The following ITPR2 variants were observed in gnomAD, a reference collection of about 807,000 sequenced individuals.
ITPR2 encodes the protein inositol 1,4,5-trisphosphate-gated calcium channel ITPR2.
In ITPR2, 207 loss-of-function variants were observed where a neutral mutation model predicts 317.1. The observed-to-expected ratio is 0.65, with a 90% CI of 0.58 to 0.73. ITPR2 has a LOEUF of 0.73. ITPR2 is among the 30% of genes least tolerant of loss of function. ITPR2 has a pLI of 0.00. For missense variants in ITPR2, 2,613 were observed against 3,284.0 expected, an observed-to-expected ratio of 0.80 and a Z score of 4.99; for synonymous variants, 1,156 against 1,149.1, an observed-to-expected ratio of 1.01 and a Z score of -0.12.
chr12:26,496,232 G>A (rs982973328), intron 37 of ITPR2, among the ~76,000 whole-genome samples: 1 of 152,142 alleles, frequency 6.6e-6, no homozygotes, highest in Non-Finnish European at 1.5e-5. Context: ...TAAGTAATTG[G>A]CTGCAGATCA....
intron 34 of ITPR2, among the ~76,000 whole-genome samples, chr12:26,569,895 T>C (rs1945114175): frequency 6.6e-6 from 1 of 152,186 alleles, no homozygotes; most frequent in Non-Finnish European, 1.5e-5. Context: ...CCGTCAGAAG[T>C]GAAATAACCC....
In ITPR2 at chr12:26,605,405, G is replaced by T. The variant is rs539888200; in HGVS notation, c.3463-2699C>A. The stretch of plus-strand genomic sequence containing the variant: ...GCCATTTCATTTTTTTTCTGTAAGA[G>T]AAGAAATACTAAAACATATACACAC... On this transcript the variant is annotated intron_variant, in intron 26 of 56. Coordinates refer to ENST00000381340, the MANE Select transcript of ITPR2 (RefSeq NM_002223.4). Among the ~76,000 whole-genome samples, 117 of 152,012 alleles carry T rather than the reference G, an allele frequency of 7.7e-4. 2 individuals are homozygous for T. The South Asian group carries it at 0.023, about 29-fold the overall frequency.
chr12:26,369,425 G>C (rs1939115343), intron 55 of ITPR2, among the ~76,000 whole-genome samples: 1 of 152,200 alleles, frequency 6.6e-6, no homozygotes, highest in Admixed American at 6.5e-5. Context: ...GTTTTAGAAA[G>C]TAGTGGATTA....
rs1433400837 is a variant in ITPR2 at position 26,544,575 on chromosome 12, CACACACAG to C, written c.5073+5664_5073+5671del. The stretch of plus-strand genomic sequence containing the variant: ...TACCAGTTTCACACATAGACACACA[CACACACAG>C]ACAAACACACAGAGACACACAGACA... On this transcript the variant is annotated intron_variant, in intron 37 of 56. Transcript: ENST00000381340. Among the ~76,000 whole-genome samples the C allele has an allele frequency of 6.4e-5, 8 of 124,718 alleles. No homozygotes were observed. The South Asian group carries it at 8.1e-4, about 13-fold the overall frequency. The allele number at this position is 124,718 out of a possible 152,430, so 81.8% of individuals were successfully genotyped here. A position where few individuals can be genotyped will look rare whatever the true frequency, so the allele number is the denominator to read the frequency against.
chr12:26,632,944 C>T (rs1946786433), intron 21 of ITPR2, among the ~76,000 whole-genome samples: 1 of 152,116 alleles, frequency 6.6e-6, no homozygotes, highest in South Asian at 2.1e-4. Flanking sequence ...TCTAAGTTCC[C>T]ACAGGAAGCA....
intron 37 of ITPR2, among the ~76,000 whole-genome samples, chr12:26,533,171 T>C (rs900175407): frequency 2.6e-5 from 4 of 152,206 alleles, no homozygotes; most frequent in Non-Finnish European, 5.9e-5. Flanking sequence ...TTTTCAAATT[T>C]TCCCACTTAT....
chr12:26,387,382 A>C (rs577754890), intron 55 of ITPR2, 52 bp downstream of exon 55: 1 of 1,544,666 alleles, frequency 6.5e-7, no homozygotes, highest in South Asian at 1.2e-5. Flanking sequence ...AGAGAAGATG[A>C]AAGCCTAAAA....
chr12:26,827,267 C>T (rs1006032644), intron 1 of ITPR2, among the ~76,000 whole-genome samples: 4 of 94,792 alleles, frequency 4.2e-5, no homozygotes, highest in Admixed American at 1.0e-4. Context: ...TGCACTTACA[C>T]GGAGAAAAGA....
chr12:26,831,799 A>C lies in ITPR2; in HGVS notation c.92+891T>G, dbSNP rs12366784. Among the ~76,000 whole-genome samples, 1,323 of 116,696 alleles carry C rather than the reference A, an allele frequency of 0.011. 4 individuals carry two copies. The highest frequency in any genetic ancestry group is 0.03 in the African/African-American group (843 of 28,358). 76.6% of individuals were successfully genotyped at this position (116,696 alleles called of 152,430 possible). ...TACATAAAATATATAAATATATATTATACATAAAATATATAAATATATATT... is the reference window on the plus strand; with the variant it reads ...TACATAAAATATATAAATATATATTCTACATAAAATATATAAATATATATT... On this transcript the variant is annotated intron_variant, in intron 1 of 56. Coordinates refer to ENST00000381340, the MANE Select transcript of ITPR2 (RefSeq NM_002223.4). The surrounding 1 kb of genome is among the most constrained non-coding windows in gnomAD (Gnocchi z 4.9).
chr12:26,700,612 C>CAGAGTGGTGTG (rs1338831119), intron 9 of ITPR2, among the ~76,000 whole-genome samples: 23 of 152,286 alleles, frequency 1.5e-4, no homozygotes, highest in Non-Finnish European at 2.5e-4. Context: ...TTCCCTCCTG[C>CAGAGTGGTGTG]CTCCATAAAG....
rs143706105 is a variant in ITPR2, at chr12:26,723,886, C to T, written c.366+770G>A. ...TCTAGACCTCTGATTTGGCTCTGTG[C>T]TGCGGATCTCCTAGCCAACGATGTA... is the stretch of plus-strand genomic sequence containing the variant. On this transcript the variant is annotated intron_variant, in intron 4 of 56. Transcript: ENST00000381340. Among the ~76,000 whole-genome samples the T allele has an allele frequency of 3.9e-5, 6 of 152,258 alleles. No homozygotes were observed. In the East Asian group the frequency reaches 1.2e-3, roughly 29 times the overall value.
At chr12:26,389,161 C>T (rs910889243) in intron 54 of ITPR2, among the ~76,000 whole-genome samples, 2 of 152,108 alleles carry the variant, frequency 1.3e-5, no homozygotes, top group African/African-American at 4.8e-5. Context: ...CTCCACAGCC[C>T]ATTCTCAACA....
At chr12:26,443,497 A>G (rs532321690) in intron 46 of ITPR2, 46 bp downstream of exon 46, 173 of 1,442,524 alleles carry the variant, frequency 1.2e-4, no homozygotes, top group Non-Finnish European at 1.6e-4. Context: ...GGAAGTAAGC[A>G]TAACTTTTCA....
intron 45 of ITPR2, among the ~76,000 whole-genome samples, chr12:26,471,697 A>C (rs1417585599): frequency 6.6e-6 from 1 of 152,248 alleles, no homozygotes; most frequent in African/African-American, 2.4e-5. Context: ...GCACCAGAAT[A>C]AACTGTCTGC....
intron 55 of ITPR2, among the ~76,000 whole-genome samples, chr12:26,374,280 T>C (rs1939276748): frequency 6.6e-6 from 1 of 152,252 alleles, no homozygotes; most frequent in African/African-American, 2.4e-5. Context: ...ATACTCACTA[T>C]TTAGCTATGT....
chr12:26,695,417 C>T (rs893323962), intron 10 of ITPR2, among the ~76,000 whole-genome samples, 189 bp downstream of exon 10: 2 of 152,124 alleles, frequency 1.3e-5, no homozygotes, highest in South Asian at 2.1e-4. Context: ...AGAACTCTTC[C>T]CAAGCACCCA....
chr12:26,346,927 T>C (rs1342389169), intron 55 of ITPR2, among the ~76,000 whole-genome samples: 1 of 152,012 alleles, frequency 6.6e-6, no homozygotes, highest in African/African-American at 2.4e-5. Flanking sequence ...AAAAAACAAA[T>C]TGTTGAGAGA....
chr12:26,806,248 A>C (rs1950637579), intron 1 of ITPR2, among the ~76,000 whole-genome samples: 1 of 152,170 alleles, frequency 6.6e-6, no homozygotes, highest in Non-Finnish European at 1.5e-5. Context: ...AGTACTTCAG[A>C]GCCCGAAAAC....
intron 52 of ITPR2, among the ~76,000 whole-genome samples, chr12:26,407,082 A>C (rs1269068512): frequency 6.6e-6 from 1 of 152,120 alleles, no homozygotes; most frequent in Non-Finnish European, 1.5e-5. Context: ...AGCTATCCTT[A>C]CAAAATCATC....
Sources: allele counts gnomAD v4.1 joint callset (sites outside exome capture counted in the v4.1 genomes callset), GRCh38; gene constraint gnomAD v4.1.1; non-coding constraint Gnocchi (gnomAD v3.1); transcripts MANE v1.5; gene names NCBI Gene and HGNC (gene_info 2026-07-23, HGNC 2026-07-21).